The following ALG12 variants were observed in gnomAD, a reference collection of about 807,000 sequenced individuals.
ALG12 encodes ALG12 alpha-1,6-mannosyltransferase.
ALG12 carries 36 observed loss-of-function variants against 46.0 expected under a neutral mutation model. The observed-to-expected ratio is 0.78, with a 90% CI of 0.60 to 1.03. The LOEUF (loss-of-function observed/expected upper bound fraction) is 1.03, where lower values mean the gene tolerates loss of function less well. Among genes scored for constraint, ALG12 ranks in the 50% least tolerant of loss-of-function variants. ALG12 has a pLI of 0.00. For missense variants in ALG12, 599 were observed against 633.5 expected, an observed-to-expected ratio of 0.95 and a Z score of 0.58; for synonymous variants, 326 against 291.6, an observed-to-expected ratio of 1.12 and a Z score of -1.20.
At chr22:49,913,343 A>C (rs2060590438) in intron 3 of ALG12, 42 bp downstream of exon 3, 1 of 1,612,124 alleles carries the variant, frequency 6.2e-7, no homozygotes, top group African/African-American at 1.3e-5. Flanking sequence ...CGATGACACC[A>C]CAGTCCCTCA....
At chr22:49,867,160 C>T in the ALG12 span, among the ~76,000 whole-genome samples, 35 of 152,266 alleles carry the variant, frequency 2.3e-4, no homozygotes, top group Non-Finnish European at 4.1e-4. Context: ...GTTTTTCACC[C>T]GTGAGTTATT....
At chr22:49,894,500 C>G in the ALG12 span, among the ~76,000 whole-genome samples, 1 of 152,222 alleles carries the variant, frequency 6.6e-6, no homozygotes, top group Admixed American at 6.5e-5. Flanking sequence ...GCCAGGGCAC[C>G]ACCCACACAT....
chr22:49,900,003 A>T (rs181420480), downstream of ALG12, among the ~76,000 whole-genome samples: 46 of 152,202 alleles, frequency 3.0e-4, 2 homozygotes, highest in East Asian at 8.9e-3. Flanking sequence ...TTCAAGAAAA[A>T]TTTTTTAAAA....
Position 49,904,341 on chromosome 22 carries a change from C to G in ALG12, c.1158G>C (p.Gln386His), listed in dbSNP as rs372390738. The change falls in exon 8 of 10, where the codon CAG becomes CAC. Residue 386 changes from glutamine to histidine, a missense_variant. Transcript: ENST00000330817. ...MQRLHQLVPP[Q>H]TDVLLHIDVA... ...GGCAGTGCCCCCAGCACCCACCTGT[C>G]TGGGGGGGCACCAGCTGGTGCAGCC... The G allele has an allele frequency of 4.2e-5, 68 of 1,614,106 alleles. No individual in the cohort carries two copies. The highest frequency in any genetic ancestry group is 2.5e-4 in the African/African-American group (19 of 74,946).
In ALG12 at chr22:49,917,498, C is replaced by T. The variant is rs577327588; in HGVS notation, c.-79+765G>A. Among the ~76,000 whole-genome samples, 3 of 152,242 alleles carry T rather than the reference C, an allele frequency of 2.0e-5. No individual in the cohort carries two copies. The East Asian group carries it at 5.8e-4, about 29-fold the overall frequency. On this transcript the variant is annotated intron_variant, in intron 1 of 9. Coordinates refer to ENST00000330817, the MANE Select transcript of ALG12 (RefSeq NM_024105.4). Reference sequence around the variant, plus strand: ...CCAGCCTGGCCAACATGGTGAAACCCCGTCTCTACTAAAAATACAAAAATT... The same window carrying T: ...CCAGCCTGGCCAACATGGTGAAACCTCGTCTCTACTAAAAATACAAAAATT...
In ALG12 at chr22:49,907,491, A is replaced by T. The variant is rs554770329; in HGVS notation, c.992+230T>A. 7.2e-5 allele frequency among the ~76,000 whole-genome samples: 11 copies of T among 152,256 alleles called. No individual in the cohort carries two copies. The South Asian group carries it at 2.3e-3, about 32-fold the overall frequency. On this transcript the variant is annotated intron_variant, in intron 7 of 9. Coordinates refer to ENST00000330817, the MANE Select transcript of ALG12 (RefSeq NM_024105.4). ...CAACACACCCTGTGTTTATCTTAAA[A>T]AACAGCCCTGGTGGCTCACACCTGC...
chr22:49,882,294 A>G, the ALG12 span, among the ~76,000 whole-genome samples: 2 of 152,142 alleles, frequency 1.3e-5, no homozygotes, highest in African/African-American at 2.4e-5. Context: ...GCTCGCGCAT[A>G]TAACTCCAGC....
At chr22:49,894,362 T>C in the ALG12 span, among the ~76,000 whole-genome samples, 1 of 152,198 alleles carries the variant, frequency 6.6e-6, no homozygotes, top group Admixed American at 6.5e-5. Flanking sequence ...TCAGCAAGCA[T>C]ATTAAATGTA....
chr22:49,916,208 G>A (rs866735915), intron 1 of ALG12, among the ~76,000 whole-genome samples: 11 of 152,078 alleles, frequency 7.2e-5, no homozygotes, highest in Admixed American at 2.6e-4. Flanking sequence ...AGCCGAGATC[G>A]CGCCACTGCA....
intron 1 of ALG12, among the ~76,000 whole-genome samples, chr22:49,915,603 G>T (rs544147969): frequency 1.3e-5 from 2 of 152,176 alleles, no homozygotes; most frequent in South Asian, 4.2e-4. Flanking sequence ...AATAAACTTG[G>T]TATCAAACAA....
the ALG12 span, among the ~76,000 whole-genome samples, chr22:49,871,272 A>G: frequency 7.7e-6 from 1 of 129,406 alleles, no homozygotes; most frequent in Non-Finnish European, 1.6e-5. Flanking sequence ...GTGGATCACG[A>G]GGTCAGGAGT....
chr22:49,917,271 A>T (rs28397081), intron 1 of ALG12, among the ~76,000 whole-genome samples: 7 of 152,206 alleles, frequency 4.6e-5, no homozygotes, highest in Non-Finnish European at 1.5e-5. Context: ...CCAGGCCATG[A>T]CACTTTAAAA....
chr22:49,909,109 G>C, intron 6 of ALG12, 135 bp downstream of exon 6: 2 of 925,576 alleles, frequency 2.2e-6, no homozygotes, highest in Admixed American at 1.9e-5. Context: ...GCAAGTGGGA[G>C]GGAGGGGCTC....
chr22:49,868,566 G>A, the ALG12 span, among the ~76,000 whole-genome samples: 16 of 152,164 alleles, frequency 1.1e-4, no homozygotes, highest in South Asian at 2.1e-4. Context: ...GCAACAGAGC[G>A]AGACTGTCTC....
the ALG12 span, among the ~76,000 whole-genome samples, chr22:49,866,690 T>G: frequency 6.6e-6 from 1 of 152,244 alleles, no homozygotes; most frequent in South Asian, 2.1e-4. Context: ...GATGTTTTTC[T>G]GCTCTTTAGT....
chr22:49,861,784 C>G, the ALG12 span, among the ~76,000 whole-genome samples: 1 of 152,178 alleles, frequency 6.6e-6, no homozygotes, highest in Non-Finnish European at 1.5e-5. Context: ...ATGTGTGGGT[C>G]CTATTGACGG....
At chr22:49,880,225 G>C in the ALG12 span, among the ~76,000 whole-genome samples, 1 of 152,112 alleles carries the variant, frequency 6.6e-6, no homozygotes, top group Admixed American at 6.5e-5. Context: ...TTCTGACCCT[G>C]CTTGCTGTTC....
At chr22:49,892,829 A>G in the ALG12 span, among the ~76,000 whole-genome samples, 1 of 152,202 alleles carries the variant, frequency 6.6e-6, no homozygotes, top group Non-Finnish European at 1.5e-5. Context: ...AAACAGTTTG[A>G]CTCTCATAAA....
chr22:49,912,309 C>T (rs2060583143), intron 3 of ALG12, among the ~76,000 whole-genome samples: 1 of 152,242 alleles, frequency 6.6e-6, no homozygotes, highest in African/African-American at 2.4e-5. Flanking sequence ...TGCAGCCCTC[C>T]AAGGTTCTGT....
Sources: gnomAD v4.1 joint callset for allele counts (sites outside exome capture counted in the v4.1 genomes callset) on GRCh38, gnomAD v4.1.1 for gene constraint, MANE v1.5 for transcripts, NCBI Gene and HGNC (gene_info 2026-07-23, HGNC 2026-07-21) for gene names.